ANKRD26: variants seen among roughly 807,000 people sequenced by gnomAD.
ANKRD26 encodes ankyrin repeat domain 26.
ANKRD26 carries 141 observed loss-of-function variants against 208.7 expected under a neutral mutation model. The observed-to-expected ratio is 0.68, with a 90% CI of 0.59 to 0.78. The LOEUF is 0.78. ANKRD26 is among the 30% of genes least tolerant of loss of function. The pLI, the probability that ANKRD26 is intolerant of heterozygous loss-of-function variation, is 0.00. For missense variants in ANKRD26, 1,889 were observed against 1,938.7 expected (o/e 0.97, Z 0.48); for synonymous variants, 636 against 660.4 (o/e 0.96, Z 0.57).
chr10:27,014,534 C>T lies in ANKRD26; in HGVS notation c.4684G>A (p.Glu1562Lys), dbSNP rs200392387. Residue 1562 changes from glutamate to lysine, a missense_variant, in exon 31 of 34, where the codon GAA becomes AAA. Glu to Lys is a moderately conservative substitution (Grantham distance 56, BLOSUM62 1). Transcript: ENST00000376087. ...LEKYKQLYLE[E>K]LKVRKSLSSK... ...GACAAAGATTTTCTAACTTTTAATT[C>T]TTCTAGATAGAGTTGCTTATATTTT... is the stretch of plus-strand genomic sequence containing the variant. 99 of 1,595,808 alleles carry T rather than the reference C, an allele frequency of 6.2e-5. No homozygotes were observed. The highest frequency in any genetic ancestry group is 4.4e-4 in the Middle Eastern group (2 of 4,514).
intron 5 of ANKRD26, among the ~76,000 whole-genome samples, chr10:27,085,408 C>T (rs1225174359): frequency 6.6e-6 from 1 of 152,136 alleles, no homozygotes; most frequent in Non-Finnish European, 1.5e-5. Flanking sequence ...CAGAAGAACA[C>T]ATCTTGTTCT....
chr10:27,079,003 A>T, intron 7 of ANKRD26, 86 bp downstream of exon 7: 2 of 1,112,490 alleles, frequency 1.8e-6, no homozygotes, highest in South Asian at 1.3e-5. Flanking sequence ...AAACAATGAT[A>T]AGTAGACCAC....
intron 20 of ANKRD26, 124 bp downstream of exon 20, chr10:27,043,302 G>A (rs1037791196): frequency 1.9e-6 from 2 of 1,035,210 alleles, no homozygotes; most frequent in Non-Finnish European, 2.9e-6. Flanking sequence ...GCTTTGCACA[G>A]TGGCAGCATC....
chr10:26,992,238 A>G (rs2052499650), intron 5 of ANKRD26, among the ~76,000 whole-genome samples: 1 of 152,236 alleles, frequency 6.6e-6, no homozygotes, highest in African/African-American at 2.4e-5. Flanking sequence ...AGGTCCCAAG[A>G]TTTCTTTTCC....
chr10:27,069,671 A>C (rs1002086639), intron 9 of ANKRD26, among the ~76,000 whole-genome samples: 6 of 152,204 alleles, frequency 3.9e-5, no homozygotes, highest in African/African-American at 1.2e-4. Context: ...AGATGACCTC[A>C]GGAAAAGCAT....
At chr10:27,063,186 G>C (rs2055124722) in intron 12 of ANKRD26, among the ~76,000 whole-genome samples, 1 of 152,192 alleles carries the variant, frequency 6.6e-6, no homozygotes, top group Admixed American at 6.5e-5. Context: ...TCCCAACAGT[G>C]AGGTGGATGG....
chr10:27,039,648 A>C (rs573893778), intron 21 of ANKRD26, among the ~76,000 whole-genome samples: 5 of 152,312 alleles, frequency 3.3e-5, no homozygotes, highest in African/African-American at 1.2e-4. Flanking sequence ...AAATGTAGAA[A>C]AAGATTTATA....
intron 11 of ANKRD26, among the ~76,000 whole-genome samples, chr10:27,065,099 T>C (rs1279637927): frequency 2.0e-5 from 3 of 152,186 alleles, no homozygotes; most frequent in African/African-American, 7.2e-5. Context: ...TTCCTTTAGT[T>C]GGCAATCTAA....
At chr10:27,073,347 T>C (rs558427635) in intron 9 of ANKRD26, among the ~76,000 whole-genome samples, 1 of 152,326 alleles carries the variant, frequency 6.6e-6, no homozygotes, top group East Asian at 1.9e-4. Flanking sequence ...ACAGCCTTCC[T>C]GAAGCACTTC....
chr10:26,955,718 T>G, the ANKRD26 span, among the ~76,000 whole-genome samples: 1 of 152,202 alleles, frequency 6.6e-6, no homozygotes, highest in Non-Finnish European at 1.5e-5. Flanking sequence ...CTTGAGTTTC[T>G]TGAAGAACCA....
chr10:26,957,322 AGGT>A, the ANKRD26 span, among the ~76,000 whole-genome samples: 1 of 152,224 alleles, frequency 6.6e-6, no homozygotes, highest in Non-Finnish European at 1.5e-5. Context: ...TCGGAGGCAG[AGGT>A]TGCAGTGAGC....
At chr10:26,963,903 G>GTTTTTTTTTTTTTTT in the ANKRD26 span, among the ~76,000 whole-genome samples, 42 of 71,802 alleles carry the variant, frequency 5.8e-4, 8 homozygotes, top group East Asian at 8.2e-3. Flanking sequence ...TGGTTGGTTG[G>GTTTTTTTTTTTTTTT]TTTTTTTTTT....
intron 12 of ANKRD26, among the ~76,000 whole-genome samples, 157 bp downstream of exon 12, chr10:27,063,831 A>C (rs549213771): frequency 6.2e-4 from 95 of 152,274 alleles, no homozygotes; most frequent in African/African-American, 2.0e-3. Flanking sequence ...TCTGTTGCTG[A>C]CACCTAAGAT....
the ANKRD26 span, among the ~76,000 whole-genome samples, chr10:26,958,092 T>TATATATATATATATATATATA: frequency 1.3e-5 from 2 of 150,030 alleles, no homozygotes; most frequent in African/African-American, 2.4e-5. Flanking sequence ...TATATATATA[T>TATATATATATATATATATATA]TTATTTTTGA....
intron 1 of ANKRD26, among the ~76,000 whole-genome samples, chr10:27,096,778 A>AG (rs1258006484): frequency 6.6e-6 from 1 of 151,726 alleles, no homozygotes; most frequent in Admixed American, 6.6e-5. Flanking sequence ...AAAAAAAAAA[A>AG]AAAGAAAAAA....
rs2055748773 is a variant in ANKRD26, at chr10:27,077,616, G to A, written c.874+17C>T. ...TCAGTGAATAACACAAGAATAAGCA[G>A]TTTTCAAACAGCTTACAATTTTTCC... is the stretch of plus-strand genomic sequence containing the variant. On this transcript the variant is annotated intron_variant, in intron 8 of 33. Coordinates refer to ENST00000376087, the MANE Select transcript of ANKRD26 (RefSeq NM_014915.3). 1.2e-6 allele frequency: 2 copies of A among 1,613,080 alleles called. No homozygotes were observed. Among genetic ancestry groups the A allele is most frequent in the South Asian group, 1.1e-5 (1 of 91,032 alleles).
Position 27,100,480 on chromosome 10 carries a change from G to A in ANKRD26, c.-154C>T, listed in dbSNP as rs1005624708. ...TCTCCCTCCGGGTTACCAAGCAAGC[G>A]ATCCCGCTAGACACAAGTGCGCATG... On this transcript the variant is annotated 5_prime_UTR_variant, in exon 1 of 34. Transcript: ENST00000376087. 58 of 1,164,668 alleles carry A rather than the reference G, an allele frequency of 5.0e-5. No homozygotes were observed. The highest frequency in any genetic ancestry group is 5.5e-5 in the Admixed American group (2 of 36,426). 72.1% of individuals were successfully genotyped at this position (1,164,668 alleles called of 1,614,324 possible).
downstream of ANKRD26, among the ~76,000 whole-genome samples, chr10:26,999,219 G>A (rs1239664776): frequency 6.6e-6 from 1 of 152,168 alleles, no homozygotes; most frequent in African/African-American, 2.4e-5. Context: ...CTAGGCCATT[G>A]TAACTTAGAG....
chr10:26,962,987 T>G, the ANKRD26 span, among the ~76,000 whole-genome samples: 1 of 152,220 alleles, frequency 6.6e-6, no homozygotes, highest in African/African-American at 2.4e-5. Flanking sequence ...TAACTCTTGC[T>G]GCAACCCTAC....
Sources: allele counts gnomAD v4.1 joint callset (sites outside exome capture counted in the v4.1 genomes callset), GRCh38; gene constraint gnomAD v4.1.1; transcripts MANE v1.5; gene names NCBI Gene and HGNC (gene_info 2026-07-23, HGNC 2026-07-21).